KCMF1: variants seen among roughly 807,000 people sequenced by gnomAD.
The protein encoded by KCMF1 is E3 ubiquitin-protein ligase KCMF1.
KCMF1 carries 3 observed loss-of-function variants against 41.1 expected under a neutral mutation model. The ratio of observed to expected loss-of-function variants is 0.07; its 90% CI spans 0.03 to 0.19. The LOEUF (loss-of-function observed/expected upper bound fraction) is 0.19. Ranked by LOEUF, KCMF1 falls within the 10% of genes least tolerant of loss-of-function variation. KCMF1 has a pLI of 1.00. For synonymous variants in KCMF1, 142 were observed against 164.5 expected (o/e 0.86, Z 1.04); for missense variants, 286 against 488.9 (o/e 0.58, Z 3.91).
At chr2:85,020,356 A>G (rs537284830) in intron 1 of KCMF1, among the ~76,000 whole-genome samples, 18 of 152,338 alleles carry the variant, frequency 1.2e-4, no homozygotes, top group East Asian at 1.2e-3. Context: ...ACCTAAATAG[A>G]TATCATAGGT....
chr2:84,976,204 CTT>C (rs776217164), intron 1 of KCMF1, among the ~76,000 whole-genome samples: 90 of 133,556 alleles, frequency 6.7e-4, no homozygotes, highest in Admixed American at 1.2e-3. Context: ...TTCTTAACTC[CTT>C]TTTTTTTTTT....
At chr2:85,043,348 C>G (rs1367393735) in intron 3 of KCMF1, among the ~76,000 whole-genome samples, 3 of 152,182 alleles carry the variant, frequency 2.0e-5, no homozygotes, top group Non-Finnish European at 4.4e-5. Flanking sequence ...TGCCAGAGAT[C>G]AAGTTTGGTG....
intron 3 of KCMF1, among the ~76,000 whole-genome samples, chr2:85,042,852 G>C (rs757003039): frequency 2.0e-5 from 3 of 151,898 alleles, no homozygotes; most frequent in Non-Finnish European, 4.4e-5. Context: ...CCCGCTCCCC[G>C]AACTGTGACT....
intron 1 of KCMF1, among the ~76,000 whole-genome samples, chr2:85,007,459 T>C (rs1674500588): frequency 6.6e-6 from 1 of 152,192 alleles, no homozygotes; most frequent in Non-Finnish European, 1.5e-5. Flanking sequence ...GCAGGGTTAT[T>C]GTATGGACCA....
At chr2:84,981,191 A>ATT (rs375286197) in intron 1 of KCMF1, among the ~76,000 whole-genome samples, 132 of 143,550 alleles carry the variant, frequency 9.2e-4, no homozygotes, top group African/African-American at 3.0e-3. Flanking sequence ...CTTCTGTTGA[A>ATT]TTTTTTTTTT....
chr2:85,041,046 C>A (rs1675520405), intron 3 of KCMF1, among the ~76,000 whole-genome samples: 1 of 152,144 alleles, frequency 6.6e-6, no homozygotes, highest in African/African-American at 2.4e-5. Flanking sequence ...AGGCATGAGC[C>A]ACCGTGCCTG....
intron 6 of KCMF1, among the ~76,000 whole-genome samples, chr2:85,052,571 A>G (rs1174818544): frequency 6.6e-6 from 1 of 152,244 alleles, no homozygotes; most frequent in African/African-American, 2.4e-5. Flanking sequence ...TCAGGCAGGT[A>G]GACCTTGTGT....
intron 3 of KCMF1, among the ~76,000 whole-genome samples, chr2:85,037,190 A>G (rs1364643577): frequency 1.3e-5 from 2 of 152,068 alleles, no homozygotes; most frequent in African/African-American, 4.8e-5. Flanking sequence ...CTCTATTTTC[A>G]TATTGGTTTT....
intron 1 of KCMF1, among the ~76,000 whole-genome samples, chr2:85,021,087 C>T (rs1360130682): frequency 6.6e-6 from 1 of 152,118 alleles, no homozygotes; most frequent in Non-Finnish European, 1.5e-5. Flanking sequence ...TTCTTGGGGG[C>T]AGGGCTTTGT....
chr2:84,973,795 C>A (rs963561756), intron 1 of KCMF1, among the ~76,000 whole-genome samples: 1 of 132,204 alleles, frequency 7.6e-6, no homozygotes, highest in African/African-American at 2.8e-5. Context: ...TTCAGCATTT[C>A]TTTCTTTCTT....
chr2:85,037,931 G>A (rs776237760), intron 3 of KCMF1, among the ~76,000 whole-genome samples: 3 of 152,152 alleles, frequency 2.0e-5, no homozygotes, highest in Admixed American at 6.5e-5. Flanking sequence ...TCACAGGAGC[G>A]CAATCCCTTT....
At chr2:85,053,118 A>G in intron 6 of KCMF1, 30 bp from the exon 7 acceptor site, 2 of 1,582,252 alleles carry the variant, frequency 1.3e-6, no homozygotes. Flanking sequence ...ACTTTTTAAC[A>G]ATAAGGTCTT....
intron 2 of KCMF1, among the ~76,000 whole-genome samples, chr2:85,031,235 A>G (rs1176106911): frequency 6.6e-6 from 1 of 152,228 alleles, no homozygotes; most frequent in Non-Finnish European, 1.5e-5. Context: ...GAGTATTGCC[A>G]TCTTAATAAT....
chr2:85,030,912 G>T (rs1270841067), intron 2 of KCMF1, among the ~76,000 whole-genome samples: 3 of 152,106 alleles, frequency 2.0e-5, no homozygotes, highest in African/African-American at 7.2e-5. Context: ...GCCCAAACTG[G>T]TATCAAACTC....
intron 5 of KCMF1, among the ~76,000 whole-genome samples, chr2:85,047,169 G>T (rs1675687595): frequency 6.6e-6 from 1 of 152,230 alleles, no homozygotes; most frequent in East Asian, 1.9e-4. Flanking sequence ...ATAAGAAATG[G>T]TTTTATGTTG....
chr2:84,997,328 G>T (rs990847489), intron 1 of KCMF1, among the ~76,000 whole-genome samples: 1 of 151,846 alleles, frequency 6.6e-6, no homozygotes, highest in Non-Finnish European at 1.5e-5. Flanking sequence ...TAGTGTCTTG[G>T]TTCCCCAAAA....
At chr2:85,008,305 A>ATATCAT (rs1674536506) in intron 1 of KCMF1, among the ~76,000 whole-genome samples, 1 of 9,034 alleles carries the variant, frequency 1.1e-4, no homozygotes, top group Non-Finnish European at 3.2e-4. Flanking sequence ...TATAATATAT[A>ATATCAT]ATATGATATA....
intron 1 of KCMF1, among the ~76,000 whole-genome samples, chr2:84,997,386 T>C (rs1674203338): frequency 6.6e-6 from 1 of 152,214 alleles, no homozygotes. Flanking sequence ...CCTTTTTGCT[T>C]TCTGGATTTC....
At chr2:85,049,292 TA>T (rs1346112194) in intron 5 of KCMF1, 73 bp from the exon 6 acceptor site, 1 of 1,453,750 alleles carries the variant, frequency 6.9e-7, no homozygotes, top group African/African-American at 1.4e-5. Flanking sequence ...GTTGTTCCAG[TA>T]AAAGAGTGAT....
Sources: allele counts gnomAD v4.1 joint callset (sites outside exome capture counted in the v4.1 genomes callset), GRCh38; gene constraint gnomAD v4.1.1; transcripts MANE v1.5; gene names NCBI Gene and HGNC (gene_info 2026-07-23, HGNC 2026-07-21).